Variants in SHISA9 observed in about 807,000 individuals in gnomAD.
SHISA9 encodes shisa family member 9.
A neutral mutation model predicts 38.0 loss-of-function variants in SHISA9; 13 were observed. That is an observed-to-expected ratio of 0.34 (90% CI 0.22 to 0.54). The LOEUF is 0.54. Among genes scored for constraint, SHISA9 ranks in the 20% least tolerant of loss-of-function variants. SHISA9 has a pLI of 0.91. For synonymous variants in SHISA9, 275 were observed against 242.0 expected, an observed-to-expected ratio of 1.14 and a Z score of -1.27; for missense variants, 538 against 575.8, an observed-to-expected ratio of 0.93 and a Z score of 0.67.
At chr16:12,970,327 A>ATATATACATATATG (rs2072038968) in intron 2 of SHISA9, among the ~76,000 whole-genome samples, 1 of 43,580 alleles carries the variant, frequency 2.3e-5, no homozygotes, top group African/African-American at 1.2e-4. Flanking sequence ...GTATATATAC[A>ATATATACATATATG]TATATATATA....
At chr16:13,164,450 T>G (rs541139591) in intron 2 of SHISA9, among the ~76,000 whole-genome samples, 1 of 152,234 alleles carries the variant, frequency 6.6e-6, no homozygotes, top group South Asian at 2.1e-4. Context: ...TTTCTTTTCC[T>G]TGTAATGTTT....
intron 2 of SHISA9, among the ~76,000 whole-genome samples, chr16:13,167,196 C>T (rs972168444): frequency 6.6e-6 from 1 of 151,764 alleles, no homozygotes; most frequent in African/African-American, 2.4e-5. Flanking sequence ...CTTCAGCCTC[C>T]TGAGTAGCTG....
the SHISA9 span, among the ~76,000 whole-genome samples, chr16:13,430,851 C>G: frequency 6.7e-6 from 1 of 149,158 alleles, no homozygotes; most frequent in African/African-American, 2.5e-5. Flanking sequence ...CCCAGGTGTT[C>G]GATGCTACAG....
chr16:13,281,554 T>C, the SHISA9 span, among the ~76,000 whole-genome samples: 2 of 136,148 alleles, frequency 1.5e-5, no homozygotes, highest in Non-Finnish European at 3.3e-5. Context: ...TTTGTTCTCA[T>C]TCCTCTGTTT....
chr16:13,319,147 A>C, the SHISA9 span, among the ~76,000 whole-genome samples: 1 of 152,188 alleles, frequency 6.6e-6, no homozygotes, highest in East Asian at 1.9e-4. Context: ...AGCTGGGACT[A>C]CAGGCTCATG....
chr16:13,521,303 G>T, the SHISA9 span, among the ~76,000 whole-genome samples: 1 of 152,142 alleles, frequency 6.6e-6, no homozygotes, highest in East Asian at 1.9e-4. Context: ...AAATTATTCT[G>T]ACATCATCTC....
At chr16:13,291,078 G>A in the SHISA9 span, among the ~76,000 whole-genome samples, 14 of 152,118 alleles carry the variant, frequency 9.2e-5, no homozygotes, top group African/African-American at 3.4e-4. Flanking sequence ...TATAGGAACT[G>A]CAGTTGACTG....
the SHISA9 span, among the ~76,000 whole-genome samples, chr16:13,450,867 G>A: frequency 0.022 from 3,371 of 152,180 alleles, 120 homozygotes; most frequent in African/African-American, 0.073. Flanking sequence ...CCGATATGGC[G>A]GCAGGAGGCA....
intron 2 of SHISA9, among the ~76,000 whole-genome samples, chr16:12,927,024 G>C (rs1285392352): frequency 6.6e-6 from 1 of 152,172 alleles, no homozygotes; most frequent in Non-Finnish European, 1.5e-5. Context: ...GTTAGGAGCT[G>C]AATACAGATT....
chr16:13,145,703 T>C (rs919505031), intron 2 of SHISA9, among the ~76,000 whole-genome samples: 1 of 152,206 alleles, frequency 6.6e-6, no homozygotes, highest in African/African-American at 2.4e-5. Flanking sequence ...AAGTGAGTTA[T>C]TAATAATAGT....
At chr16:13,063,619 G>T (rs118057328) in intron 2 of SHISA9, among the ~76,000 whole-genome samples, 1 of 152,134 alleles carries the variant, frequency 6.6e-6, no homozygotes. Flanking sequence ...TCAGGAAAGC[G>T]AGATATTTCT....
chr16:13,038,415 TG>T (rs1199468990), intron 2 of SHISA9, among the ~76,000 whole-genome samples: 5 of 152,244 alleles, frequency 3.3e-5, no homozygotes, highest in African/African-American at 1.2e-4. Flanking sequence ...GCCTCTTCTC[TG>T]GCTCCAGCCT....
chr16:13,156,588 G>A (rs2050549293), intron 2 of SHISA9, among the ~76,000 whole-genome samples: 1 of 151,976 alleles, frequency 6.6e-6, no homozygotes, highest in African/African-American at 2.4e-5. Flanking sequence ...CAAAAAATTA[G>A]GCAGGCATGG....
the SHISA9 span, among the ~76,000 whole-genome samples, chr16:13,525,969 C>T: frequency 6.6e-6 from 1 of 152,224 alleles, no homozygotes; most frequent in Non-Finnish European, 1.5e-5. Context: ...TGGTGTAAAC[C>T]AGTGCAGCAA....
At chr16:13,166,166 A>G (rs971728335) in intron 2 of SHISA9, among the ~76,000 whole-genome samples, 1 of 152,214 alleles carries the variant, frequency 6.6e-6, no homozygotes, top group South Asian at 2.1e-4. Flanking sequence ...GTCCTGATAA[A>G]TGAAGCCCAA....
At chr16:13,072,015 A>G (rs1458228845) in intron 2 of SHISA9, among the ~76,000 whole-genome samples, 2 of 152,086 alleles carry the variant, frequency 1.3e-5, no homozygotes, top group East Asian at 1.9e-4. Context: ...CTCACTGTTG[A>G]CATTGCAGGG....
At chr16:13,231,941 G>C (rs576981100) in intron 4 of SHISA9, among the ~76,000 whole-genome samples, 44 of 152,346 alleles carry the variant, frequency 2.9e-4, no homozygotes, top group African/African-American at 1.1e-3. Context: ...GAGCTTGACA[G>C]TTTCCTTATT....
intron 2 of SHISA9, among the ~76,000 whole-genome samples, chr16:13,174,420 T>C (rs1244532219): frequency 6.6e-6 from 1 of 152,116 alleles, no homozygotes; most frequent in Non-Finnish European, 1.5e-5. Context: ...CTCTTGGGAG[T>C]TAAGGAGCTG....
the SHISA9 span, chr16:13,474,317 T>C: frequency 5.3e-5 from 8 of 152,302 alleles, no homozygotes; most frequent in South Asian, 1.7e-3. Context: ...TTTGACAGAA[T>C]TGATATAGAA....
Sources: allele counts gnomAD v4.1 joint callset (sites outside exome capture counted in the v4.1 genomes callset), GRCh38; gene constraint gnomAD v4.1.1; transcripts MANE v1.5; gene names NCBI Gene and HGNC (gene_info 2026-07-23, HGNC 2026-07-21).